ADAMTS19: variants seen among roughly 807,000 people sequenced by gnomAD.
ADAMTS19 encodes the protein ADAM metallopeptidase with thrombospondin type 1 motif 19, also known as A disintegrin and metalloproteinase with thrombospondin motifs 19.
Under a neutral mutation model 153.3 loss-of-function variants are expected in ADAMTS19, and 93 were observed. The ratio of observed to expected loss-of-function variants is 0.61; its 90% CI spans 0.51 to 0.72. ADAMTS19 has a LOEUF of 0.72. ADAMTS19 is among the 30% of genes least tolerant of loss of function. The probability of loss-of-function intolerance (pLI) is 0.00; values close to 1 mark genes in which losing one functional copy is unlikely to be tolerated. For synonymous variants in ADAMTS19, 600 were observed against 556.6 expected, an observed-to-expected ratio of 1.08 and a Z score of -1.10; for missense variants, 1,482 against 1,552.1, an observed-to-expected ratio of 0.95 and a Z score of 0.76.
intron 7 of ADAMTS19, among the ~76,000 whole-genome samples, chr5:129,579,282 T>G (rs1163144673): frequency 2.0e-5 from 3 of 152,084 alleles, no homozygotes; most frequent in African/African-American, 7.2e-5. Flanking sequence ...CACTTTTTGA[T>G]GGGGTTGTTT....
At chr5:129,591,512 C>T (rs1581121616) in intron 7 of ADAMTS19, among the ~76,000 whole-genome samples, 1 of 151,818 alleles carries the variant, frequency 6.6e-6, no homozygotes, top group Non-Finnish European at 1.5e-5. Context: ...AGGGTGGTCT[C>T]GAACTCCTGA....
intron 3 of ADAMTS19, among the ~76,000 whole-genome samples, chr5:129,522,888 T>C (rs11740627): frequency 0.35 from 52,431 of 151,780 alleles, 10,918 homozygotes; most frequent in Non-Finnish European, 0.46. Flanking sequence ...AAACCCTGTC[T>C]CTACAAAAAC....
chr5:129,702,941 A>AAAAAAAAAAATATATATATATATAT, intron 20 of ADAMTS19, among the ~76,000 whole-genome samples: 1 of 29,304 alleles, frequency 3.4e-5, no homozygotes, highest in African/African-American at 8.5e-5. Context: ...AAAAAAAAAA[A>AAAAAAAAAAATATATATATATATAT]ATATATATAT....
chr5:129,614,286 A>G (rs1238932410), intron 8 of ADAMTS19, among the ~76,000 whole-genome samples: 3 of 152,194 alleles, frequency 2.0e-5, no homozygotes, highest in African/African-American at 4.8e-5. Flanking sequence ...AAAATCTTCA[A>G]TAAAATACTG....
intron 16 of ADAMTS19, among the ~76,000 whole-genome samples, chr5:129,669,733 A>G (rs373823225): frequency 6.6e-6 from 1 of 151,954 alleles, no homozygotes; most frequent in Admixed American, 6.6e-5. Flanking sequence ...TCCCTAGGAA[A>G]ACCTTTGCTG....
intron 6 of ADAMTS19, among the ~76,000 whole-genome samples, chr5:129,534,948 G>A (rs2126783843): frequency 6.6e-6 from 1 of 152,158 alleles, no homozygotes; most frequent in East Asian, 1.9e-4. Context: ...CAAATCCACA[G>A]CCAATATCAT....
intron 14 of ADAMTS19, among the ~76,000 whole-genome samples, chr5:129,658,347 A>AGAGAGAGAGAGAGAGAGAGAGAG (rs1554103336): frequency 8.6e-5 from 10 of 116,062 alleles, no homozygotes; most frequent in African/African-American, 3.3e-4. Context: ...GAAAGAAAGA[A>AGAGAGAGAGAGAGAGAGAGAGAG]AGAAAGAAAG....
intron 21 of ADAMTS19, among the ~76,000 whole-genome samples, chr5:129,722,680 T>C (rs1379760194): frequency 6.6e-6 from 1 of 152,210 alleles, no homozygotes; most frequent in Non-Finnish European, 1.5e-5. Context: ...CATGCCTATG[T>C]CCTGAATGAT....
At chr5:129,731,734 G>A (rs1057467490) in intron 21 of ADAMTS19, among the ~76,000 whole-genome samples, 13 of 151,764 alleles carry the variant, frequency 8.6e-5, no homozygotes, top group African/African-American at 2.9e-4. Flanking sequence ...TAGTGACTTA[G>A]GAAAATACAG....
chr5:129,583,826 G>T (rs898488228), intron 7 of ADAMTS19, among the ~76,000 whole-genome samples: 5 of 151,974 alleles, frequency 3.3e-5, no homozygotes, highest in African/African-American at 1.2e-4. Context: ...CATTTCCAAG[G>T]TTCTTAGCTT....
chr5:129,485,035 T>A (rs953440358), intron 2 of ADAMTS19, among the ~76,000 whole-genome samples: 8 of 152,062 alleles, frequency 5.3e-5, no homozygotes, highest in Non-Finnish European at 1.2e-4. Flanking sequence ...CTTAACCTAG[T>A]TTACAATTAA....
At chr5:129,630,406 GGA>G (rs1332393382) in intron 10 of ADAMTS19, among the ~76,000 whole-genome samples, 1 of 152,038 alleles carries the variant, frequency 6.6e-6, no homozygotes, top group Non-Finnish European at 1.5e-5. Context: ...GTTGACGAAA[GGA>G]GAGACTTAAC....
intron 6 of ADAMTS19, among the ~76,000 whole-genome samples, chr5:129,532,990 C>G (rs1405898308): frequency 6.6e-6 from 1 of 152,128 alleles, no homozygotes; most frequent in Non-Finnish European, 1.5e-5. Context: ...GTAATCCCGG[C>G]TACTCGGGAG....
intron 2 of ADAMTS19, among the ~76,000 whole-genome samples, chr5:129,498,787 G>A (rs1037481504): frequency 6.8e-6 from 1 of 147,286 alleles, no homozygotes; most frequent in Non-Finnish European, 1.5e-5. Flanking sequence ...GGCTTCTCTA[G>A]CATTCACTCT....
chr5:129,719,580 T>C lies in ADAMTS19; in HGVS notation c.3312+15189T>C, dbSNP rs372794482. On this transcript the variant is annotated intron_variant, in intron 21 of 22. Coordinates refer to ENST00000274487, the MANE Select transcript of ADAMTS19 (RefSeq NM_133638.6). The stretch of plus-strand genomic sequence containing the variant: ...CTTTAGCCCCATGTTCAAAATCACG[T>C]ATTACTTCAAATTATAACTTAATGG... Among the ~76,000 whole-genome samples the C allele has an allele frequency of 4.0e-3, 594 of 149,260 alleles. 4 individuals carry two copies. Among genetic ancestry groups the C allele is most frequent in the African/African-American group, 0.014 (570 of 41,292 alleles).
chr5:129,696,984 G>A (rs1755587184), intron 19 of ADAMTS19, among the ~76,000 whole-genome samples: 1 of 152,100 alleles, frequency 6.6e-6, no homozygotes, highest in Non-Finnish European at 1.5e-5. Flanking sequence ...AAAAGACCTG[G>A]AAAGGGAAGG....
At chr5:129,537,855 A>G (rs1752508432) in intron 6 of ADAMTS19, among the ~76,000 whole-genome samples, 1 of 152,138 alleles carries the variant, frequency 6.6e-6, no homozygotes, top group Non-Finnish European at 1.5e-5. Context: ...ACAGCACACC[A>G]ACATGGCACA....
intron 8 of ADAMTS19, among the ~76,000 whole-genome samples, chr5:129,612,696 C>G (rs1751291518): frequency 1.3e-5 from 2 of 152,246 alleles, no homozygotes; most frequent in African/African-American, 4.8e-5. Context: ...CGATACTAAC[C>G]TTTAATGTAA....
chr5:129,541,486 C>A (rs1348107636), intron 6 of ADAMTS19, among the ~76,000 whole-genome samples: 1 of 151,840 alleles, frequency 6.6e-6, no homozygotes, highest in African/African-American at 2.4e-5. Context: ...TTATGTGGTT[C>A]TTTAATTTTT....
Sources: allele counts gnomAD v4.1 joint callset (sites outside exome capture counted in the v4.1 genomes callset), GRCh38; gene constraint gnomAD v4.1.1; transcripts MANE v1.5; gene names NCBI Gene and HGNC (gene_info 2026-07-23, HGNC 2026-07-21).